The following EXOC4 variants were observed in gnomAD, a reference collection of about 807,000 sequenced individuals.
The protein encoded by EXOC4 is SEC8-like 1.
EXOC4 carries 71 observed loss-of-function variants against 107.2 expected under a neutral mutation model. That is an observed-to-expected ratio of 0.66 (90% CI 0.55 to 0.81). The LOEUF (loss-of-function observed/expected upper bound fraction) is 0.81, where lower values mean the gene tolerates loss of function less well. EXOC4 is among the 30% of genes least tolerant of loss of function. The pLI is 0.00. For missense variants in EXOC4, 1,108 were observed against 1,189.6 expected (o/e 0.93, Z 1.01); for synonymous variants, 456 against 441.2 (o/e 1.03, Z -0.42).
intron 9 of EXOC4, among the ~76,000 whole-genome samples, chr7:133,575,173 C>G (rs1801102597): frequency 1.3e-5 from 2 of 152,070 alleles, no homozygotes; most frequent in Non-Finnish European, 2.9e-5. Flanking sequence ...TTGTGGCTTC[C>G]TAATTTCATT....
intron 17 of EXOC4, among the ~76,000 whole-genome samples, chr7:134,051,497 C>G (rs948571988): frequency 6.6e-6 from 1 of 151,836 alleles, no homozygotes; most frequent in South Asian, 2.1e-4. Flanking sequence ...ATGGTGAAAC[C>G]CTGTCTCTAC....
At chr7:134,075,799 G>A in the EXOC4 span, among the ~76,000 whole-genome samples, 451 of 152,242 alleles carry the variant, frequency 3.0e-3, no homozygotes, top group African/African-American at 0.01. Context: ...AATTACCTGT[G>A]TGAAACCCTC....
intron 17 of EXOC4, among the ~76,000 whole-genome samples, chr7:134,017,718 C>T (rs1464471031): frequency 6.6e-6 from 1 of 152,152 alleles, no homozygotes; most frequent in Admixed American, 6.5e-5. Flanking sequence ...CTTCACAGAG[C>T]ACTTCAGAGC....
chr7:133,863,443 C>G (rs1798575059), intron 11 of EXOC4, among the ~76,000 whole-genome samples: 1 of 152,120 alleles, frequency 6.6e-6, no homozygotes. Flanking sequence ...CATCGAGACA[C>G]AGTAACCATA....
At chr7:133,433,673 C>A (rs2150779297) in intron 7 of EXOC4, among the ~76,000 whole-genome samples, 1 of 152,326 alleles carries the variant, frequency 6.6e-6, no homozygotes, top group East Asian at 1.9e-4. Flanking sequence ...TAAAGACCTT[C>A]TTTAGGCACT....
At chr7:133,735,046 T>TAAAAAAA (rs3076789) in intron 10 of EXOC4, among the ~76,000 whole-genome samples, 3 of 94,736 alleles carry the variant, frequency 3.2e-5, no homozygotes, top group African/African-American at 4.4e-5. Context: ...CCGTCTCTGC[T>TAAAAAAA]AAAAAAAAAA....
intron 17 of EXOC4, among the ~76,000 whole-genome samples, chr7:134,013,345 G>A (rs572833117): frequency 6.6e-6 from 1 of 152,246 alleles, no homozygotes; most frequent in East Asian, 1.9e-4. Flanking sequence ...GATACATTCT[G>A]TGAAATACCT....
downstream of EXOC4, among the ~76,000 whole-genome samples, chr7:134,067,640 C>CACAT (rs71172429): frequency 5.2e-5 from 1 of 19,222 alleles, no homozygotes; most frequent in African/African-American, 3.8e-4. Flanking sequence ...TATATATATA[C>CACAT]ACACACACAC....
At chr7:133,492,462 GTC>G (rs1352046274) in intron 9 of EXOC4, among the ~76,000 whole-genome samples, 2 of 152,190 alleles carry the variant, frequency 1.3e-5, no homozygotes, top group East Asian at 3.9e-4. Context: ...GTTTAGTTCT[GTC>G]TAATCTAATC....
At chr7:133,388,196 T>G (rs1241328661) in intron 7 of EXOC4, among the ~76,000 whole-genome samples, 1 of 152,146 alleles carries the variant, frequency 6.6e-6, no homozygotes, top group Non-Finnish European at 1.5e-5. Flanking sequence ...CATTATCCAG[T>G]TTGATCAGTT....
chr7:134,088,311 A>G, the EXOC4 span, among the ~76,000 whole-genome samples: 5 of 152,214 alleles, frequency 3.3e-5, no homozygotes, highest in Non-Finnish European at 5.9e-5. Context: ...ACTTATGCAA[A>G]TAACTATATT....
intron 12 of EXOC4, among the ~76,000 whole-genome samples, chr7:133,912,726 C>T (rs1799723549): frequency 6.6e-6 from 1 of 152,264 alleles, no homozygotes; most frequent in Middle Eastern, 3.4e-3. Context: ...CCTCATAGAA[C>T]TCATCATCCA....
chr7:134,055,604 C>G (rs1335898648), intron 17 of EXOC4, among the ~76,000 whole-genome samples: 1 of 152,142 alleles, frequency 6.6e-6, no homozygotes, highest in Admixed American at 6.5e-5. Flanking sequence ...ATACAGAAAG[C>G]CCATTACCCA....
At chr7:133,381,864 G>C (rs1322356259) in intron 7 of EXOC4, among the ~76,000 whole-genome samples, 1 of 152,086 alleles carries the variant, frequency 6.6e-6, no homozygotes. Flanking sequence ...TTGGGTAAGT[G>C]GTTCTCAATG....
chr7:133,941,968 C>T (rs1236573881), intron 14 of EXOC4, among the ~76,000 whole-genome samples: 2 of 151,918 alleles, frequency 1.3e-5, no homozygotes, highest in African/African-American at 4.9e-5. Flanking sequence ...TAAATAAAGA[C>T]TCCAAAATTG....
intron 1 of EXOC4, among the ~76,000 whole-genome samples, chr7:133,257,807 A>G (rs949849281): frequency 3.9e-5 from 6 of 152,216 alleles, no homozygotes; most frequent in Non-Finnish European, 8.8e-5. Context: ...AACTTAGAAA[A>G]TCCTTTACTG....
At chr7:133,759,015 G>A (rs1795977487) in intron 10 of EXOC4, among the ~76,000 whole-genome samples, 1 of 152,150 alleles carries the variant, frequency 6.6e-6, no homozygotes, top group Non-Finnish European at 1.5e-5. Flanking sequence ...CTATCATGTG[G>A]ACAGAGTAGA....
intron 12 of EXOC4, among the ~76,000 whole-genome samples, chr7:133,907,518 T>C (rs2116585823): frequency 6.6e-6 from 1 of 152,234 alleles, no homozygotes; most frequent in Middle Eastern, 3.4e-3. Flanking sequence ...TCAAAGTGAT[T>C]GTCATGTGTT....
chr7:134,100,568 A>G, the EXOC4 span, among the ~76,000 whole-genome samples: 1 of 129,628 alleles, frequency 7.7e-6, no homozygotes, highest in Admixed American at 8.7e-5. Flanking sequence ...GTTCGGTTCT[A>G]CTGGAACCAC....
Sources: gnomAD v4.1 joint callset for allele counts (sites outside exome capture counted in the v4.1 genomes callset) on GRCh38, gnomAD v4.1.1 for gene constraint, MANE v1.5 for transcripts, NCBI Gene and HGNC (gene_info 2026-07-23, HGNC 2026-07-21) for gene names.